CBR4: variants seen among roughly 807,000 people sequenced by gnomAD.
The protein encoded by CBR4 is 3-oxoacyl-[acyl-carrier-protein] reductase.
In CBR4, 22 loss-of-function variants were observed where a neutral mutation model predicts 21.0. The observed-to-expected ratio is 1.05, with a 90% CI of 0.75 to 1.50. The LOEUF (loss-of-function observed/expected upper bound fraction) is 1.50. CBR4 is among the 40% of genes most tolerant of loss of function. The pLI is 0.00. For missense variants in CBR4, 302 were observed against 286.3 expected (o/e 1.05, Z -0.40); for synonymous variants, 100 against 104.4 (o/e 0.96, Z 0.26).
chr4:168,993,693 A>G (rs1039452773), intron 4 of CBR4, among the ~76,000 whole-genome samples: 2 of 152,248 alleles, frequency 1.3e-5, no homozygotes, highest in African/African-American at 2.4e-5. Context: ...TTAGCATAGA[A>G]TACTTCCCAG....
At chr4:169,001,864 G>C in intron 4 of CBR4, 1 of 354,026 alleles carries the variant, frequency 2.8e-6, no homozygotes, top group African/African-American at 2.1e-5. Context: ...CAGTCCTTTA[G>C]AGCAATGCAA....
intron 2 of CBR4, chr4:168,925,386 T>G: frequency 1.2e-6 from 1 of 828,544 alleles, no homozygotes; most frequent in Non-Finnish European, 2.1e-6. Context: ...GAGTTAACAG[T>G]AGGCAAAGGC....
rs902634210 is a variant in CBR4, at chr4:168,961,790, T to C, written n.169+40281A>G. Among the ~76,000 whole-genome samples the C allele has an allele frequency of 2.6e-5, 4 of 152,200 alleles. No homozygotes were observed. In the East Asian group the frequency reaches 5.8e-4, roughly 22 times the overall value. On this transcript the variant is annotated intron_variant and non_coding_transcript_variant, in intron 2 of 3. Transcript: ENST00000509108. The stretch of plus-strand genomic sequence containing the variant: ...CTGTAATCCCAGCTACTCATGAAGC[T>C]GAGGCAGGAGAATTGCTTGAACCCG...
intron 2 of CBR4, among the ~76,000 whole-genome samples, chr4:168,918,339 T>C (rs184519236): frequency 1.4e-5 from 2 of 147,124 alleles, no homozygotes; most frequent in African/African-American, 5.1e-5. Flanking sequence ...TATATATATA[T>C]ACATACATAC....
intron 2 of CBR4, among the ~76,000 whole-genome samples, chr4:168,897,618 C>T (rs1755496594): frequency 6.6e-6 from 1 of 151,952 alleles, no homozygotes; most frequent in Non-Finnish European, 1.5e-5. Context: ...AGCTACTGTT[C>T]TTTTTAAATT....
At chr4:168,901,857 T>TA (rs1374155045) in intron 2 of CBR4, among the ~76,000 whole-genome samples, 2 of 152,226 alleles carry the variant, frequency 1.3e-5, no homozygotes, top group East Asian at 1.9e-4. Context: ...TAGACTCATC[T>TA]AAAAAAAGAA....
At chr4:168,950,955 GCTTTA>G (rs1763523742) in intron 2 of CBR4, among the ~76,000 whole-genome samples, 1 of 151,932 alleles carries the variant, frequency 6.6e-6, no homozygotes, top group Non-Finnish European at 1.5e-5. Flanking sequence ...TTTTTCCCCC[GCTTTA>G]CTTTAAGTTT....
In CBR4 at chr4:168,990,269, G is replaced by T. The variant is rs763525644; in HGVS notation, c.595C>A (p.Pro199Thr). Residue 199 changes from proline (P) to threonine (T), a missense_variant, in exon 5 of 5, where the codon CCT (proline) becomes ACT (threonine). Transcript: ENST00000306193. ...ATAGTTTCTCCAAACCTCCCAAGAG[G>T]AATATTTTTCTTTAAATGTTCTTCT... The part of the protein sequence containing the change: ...LKEEHLKKNI[P>T]LGRFGETIEV... 8 of 1,612,170 alleles carry T rather than the reference G, an allele frequency of 5.0e-6. No individual in the cohort carries two copies. The East Asian group carries it at 1.8e-4, about 36-fold the overall frequency.
At chr4:168,923,466 T>C (rs1761977469) in intron 2 of CBR4, among the ~76,000 whole-genome samples, 1 of 152,200 alleles carries the variant, frequency 6.6e-6, no homozygotes, top group Non-Finnish European at 1.5e-5. Context: ...TTATTCATTC[T>C]CTGAAGTACT....
rs1764824115 is a variant in CBR4, at chr4:168,989,855, T to C, written c.*295A>G. ...GGGGATGATTGCACATGTATTTAAATATGTTAAAACCACTGAATTGTGTAT... is the reference window on the plus strand; with the variant it reads ...GGGGATGATTGCACATGTATTTAAACATGTTAAAACCACTGAATTGTGTAT... On this transcript the variant is annotated 3_prime_UTR_variant, in exon 5 of 5. Coordinates refer to ENST00000306193, the MANE Select transcript of CBR4 (RefSeq NM_032783.5). 1 of 1,044,180 alleles carries C rather than the reference T, an allele frequency of 9.6e-7. No individual in the cohort carries two copies. The highest frequency in any genetic ancestry group is 1.2e-6 in the Non-Finnish European group (1 of 867,430). The allele number at this position is 1,044,180 out of a possible 1,614,324, so 64.7% of individuals were successfully genotyped here. A position where few individuals can be genotyped will look rare whatever the true frequency, so the allele number is the denominator to read the frequency against.
intron 2 of CBR4, among the ~76,000 whole-genome samples, chr4:168,961,672 C>T (rs937697995): frequency 1.3e-5 from 2 of 152,014 alleles, no homozygotes; most frequent in Non-Finnish European, 2.9e-5. Flanking sequence ...GGTGGGTCAC[C>T]TGAGGTCAGG....
chr4:168,897,237 C>T (rs1263729179), intron 2 of CBR4, among the ~76,000 whole-genome samples: 1 of 152,120 alleles, frequency 6.6e-6, no homozygotes, highest in Non-Finnish European at 1.5e-5. Flanking sequence ...AGTGCTAATT[C>T]TTCAAGGGAT....
intron 4 of CBR4, among the ~76,000 whole-genome samples, chr4:168,993,615 A>G (rs965521809): frequency 6.6e-6 from 1 of 152,228 alleles, no homozygotes; most frequent in African/African-American, 2.4e-5. Context: ...AAAACATGTA[A>G]AAGTTCATGT....
intron 2 of CBR4, among the ~76,000 whole-genome samples, chr4:168,934,310 C>A (rs1304004391): frequency 9.4e-5 from 11 of 117,500 alleles, no homozygotes; most frequent in African/African-American, 1.4e-4. Flanking sequence ...AAAAAGCAAG[C>A]CAAACCCAAA....
At chr4:168,902,630 C>T (rs911129212) in intron 2 of CBR4, among the ~76,000 whole-genome samples, 4 of 152,048 alleles carry the variant, frequency 2.6e-5, no homozygotes, top group South Asian at 2.1e-4. Flanking sequence ...GCCTGGGCAA[C>T]GGAGCGAGAC....
chr4:168,951,385 G>A (rs1022678727), intron 2 of CBR4, among the ~76,000 whole-genome samples: 1 of 152,262 alleles, frequency 6.6e-6, no homozygotes, highest in South Asian at 2.1e-4. Flanking sequence ...GGATCATTTA[G>A]GCTATTTATA....
chr4:168,953,116 G>A (rs969372106), intron 2 of CBR4, among the ~76,000 whole-genome samples: 1 of 152,132 alleles, frequency 6.6e-6, no homozygotes, highest in African/African-American at 2.4e-5. Context: ...ATGTGGGTGA[G>A]GTTCCCAGGT....
At chr4:168,944,802 T>C (rs968499146) in intron 2 of CBR4, among the ~76,000 whole-genome samples, 3 of 152,244 alleles carry the variant, frequency 2.0e-5, no homozygotes, top group Admixed American at 2.0e-4. Flanking sequence ...TATTCATTTA[T>C]ATTCCTATGT....
intron 2 of CBR4, among the ~76,000 whole-genome samples, chr4:168,969,195 A>C (rs1240671831): frequency 6.6e-6 from 1 of 152,218 alleles, no homozygotes; most frequent in Non-Finnish European, 1.5e-5. Flanking sequence ...TCCTTTGAGA[A>C]AGGTTGGACA....
Sources: allele counts gnomAD v4.1 joint callset (sites outside exome capture counted in the v4.1 genomes callset), GRCh38; gene constraint gnomAD v4.1.1; transcripts MANE v1.5; gene names NCBI Gene and HGNC (gene_info 2026-07-23, HGNC 2026-07-21).